The following SLC44A5 variants were observed in gnomAD, a reference collection of about 807,000 sequenced individuals.
SLC44A5 encodes the protein choline transporter-like protein 5.
In SLC44A5, 57 loss-of-function variants were observed where a neutral mutation model predicts 101.8. That is an observed-to-expected ratio of 0.56 (90% CI 0.45 to 0.70). SLC44A5 has a LOEUF of 0.70. Ranked by LOEUF, SLC44A5 falls within the 30% of genes least tolerant of loss-of-function variation. The probability of loss-of-function intolerance (pLI) is 0.00; values close to 1 mark genes in which losing one functional copy is unlikely to be tolerated. For missense variants in SLC44A5, 737 were observed against 853.1 expected, an observed-to-expected ratio of 0.86 and a Z score of 1.70; for synonymous variants, 281 against 290.9, an observed-to-expected ratio of 0.97 and a Z score of 0.35.
At chr1:75,251,628 G>A (rs369470688) in intron 6 of SLC44A5, among the ~76,000 whole-genome samples, 2 of 151,922 alleles carry the variant, frequency 1.3e-5, no homozygotes, top group African/African-American at 4.8e-5. Flanking sequence ...TTAGGAAGCA[G>A]GTTACTAAAG....
intron 2 of SLC44A5, 73 bp from the exon 3 acceptor site, chr1:75,396,694 C>A (rs1662147238): frequency 3.5e-6 from 4 of 1,156,606 alleles, no homozygotes; most frequent in African/African-American, 3.0e-5. Context: ...ACACATCTCT[C>A]CTTATCCTAA....
intron 3 of SLC44A5, among the ~76,000 whole-genome samples, chr1:75,366,970 C>A (rs1659904100): frequency 6.6e-6 from 1 of 151,944 alleles, no homozygotes; most frequent in Non-Finnish European, 1.5e-5. Flanking sequence ...ATCTTACATC[C>A]CATTGAGCCA....
At chr1:75,542,780 C>A (rs1053553872) in intron 1 of SLC44A5, among the ~76,000 whole-genome samples, 1 of 151,960 alleles carries the variant, frequency 6.6e-6, no homozygotes, top group Admixed American at 6.6e-5. Context: ...TTTGTATTCA[C>A]CTTTTGATTA....
chr1:75,520,304 G>A (rs185905673), intron 2 of SLC44A5, among the ~76,000 whole-genome samples: 1 of 152,102 alleles, frequency 6.6e-6, no homozygotes, highest in Non-Finnish European at 1.5e-5. Flanking sequence ...GACCAGCCTG[G>A]GCAACATAGT....
the SLC44A5 span, among the ~76,000 whole-genome samples, chr1:75,683,615 G>C: frequency 2.6e-5 from 4 of 152,228 alleles, no homozygotes; most frequent in East Asian, 5.8e-4. Flanking sequence ...GTGAGGTGGC[G>C]GAAGGGGGGA....
chr1:75,544,325 A>G (rs951899594), intron 1 of SLC44A5, among the ~76,000 whole-genome samples: 15 of 152,316 alleles, frequency 9.8e-5, no homozygotes, highest in African/African-American at 2.9e-4. Flanking sequence ...CAGCCTTTAG[A>G]ACTATAAGCC....
chr1:75,608,546 G>A (rs969675133), intron 1 of SLC44A5, among the ~76,000 whole-genome samples: 32 of 151,876 alleles, frequency 2.1e-4, no homozygotes, highest in African/African-American at 7.5e-4. Context: ...TTCAAAATCT[G>A]AACTGGTGCC....
the SLC44A5 span, among the ~76,000 whole-genome samples, chr1:75,654,482 G>T: frequency 6.6e-6 from 1 of 152,148 alleles, no homozygotes; most frequent in Non-Finnish European, 1.5e-5. Context: ...ACAATCTGGA[G>T]GCTGGGTACA....
chr1:75,418,006 T>G lies in SLC44A5; in HGVS notation c.14-21385A>C, dbSNP rs188840877. The stretch of plus-strand genomic sequence containing the variant: ...CTAATAGTCACAAGCACAAAAACAC[T>G]CAGGAAATGACATTGCCTTTTGCTT... On this transcript the variant is annotated intron_variant, in intron 2 of 23. Coordinates refer to ENST00000370859, the MANE Select transcript of SLC44A5 (RefSeq NM_001130058.2). Among the ~76,000 whole-genome samples, 4 of 152,372 alleles carry G rather than the reference T, an allele frequency of 2.6e-5. No homozygotes were observed. In the East Asian group the frequency reaches 5.8e-4, roughly 22 times the overall value.
At chr1:75,281,644 C>CCCG (rs1553154378) in intron 5 of SLC44A5, among the ~76,000 whole-genome samples, 3 of 108,022 alleles carry the variant, frequency 2.8e-5, no homozygotes, top group Non-Finnish European at 4.3e-5. Flanking sequence ...AGGCCCCCCC[C>CCCG]CCCCCCCGCT....
chr1:75,390,410 CAAA>C (rs34118379), intron 3 of SLC44A5, among the ~76,000 whole-genome samples: 2 of 88,258 alleles, frequency 2.3e-5, no homozygotes. Context: ...AAATCCTTAA[CAAA>C]AAAAAAAAAA....
At chr1:75,420,548 C>T (rs1219342553) in intron 2 of SLC44A5, among the ~76,000 whole-genome samples, 2 of 152,004 alleles carry the variant, frequency 1.3e-5, no homozygotes, top group African/African-American at 4.8e-5. Context: ...TTTGAAAAAG[C>T]AAGAAACAAC....
At chr1:75,242,741 C>T in intron 8 of SLC44A5, 145 bp downstream of exon 8, 2 of 945,988 alleles carry the variant, frequency 2.1e-6, no homozygotes, top group Non-Finnish European at 3.1e-6. Flanking sequence ...ACACCCAGTA[C>T]ACATGCATTT....
intron 1 of SLC44A5, among the ~76,000 whole-genome samples, chr1:75,554,840 T>C (rs1672132456): frequency 1.3e-5 from 2 of 152,070 alleles, no homozygotes; most frequent in Admixed American, 1.3e-4. Flanking sequence ...ATACTGCCTT[T>C]AAATAGATTC....
At chr1:75,557,080 G>T (rs140234409) in intron 1 of SLC44A5, among the ~76,000 whole-genome samples, 80 of 152,230 alleles carry the variant, frequency 5.3e-4, no homozygotes, top group African/African-American at 1.9e-3. Context: ...AAGATGGCTA[G>T]GAAGAAGGTG....
chr1:75,606,349 T>TAA (rs762571386), intron 1 of SLC44A5, among the ~76,000 whole-genome samples: 6 of 151,986 alleles, frequency 3.9e-5, no homozygotes, highest in Non-Finnish European at 7.4e-5. Flanking sequence ...CTAGGCAACA[T>TAA]AAGACCATTC....
At chr1:75,411,900 G>A (rs2101513290) in intron 2 of SLC44A5, among the ~76,000 whole-genome samples, 1 of 152,216 alleles carries the variant, frequency 6.6e-6, no homozygotes, top group East Asian at 1.9e-4. Context: ...ACCACTGTTA[G>A]TTCAGTGTAG....
At chr1:75,599,249 G>T (rs915185778) in intron 1 of SLC44A5, among the ~76,000 whole-genome samples, 1 of 152,026 alleles carries the variant, frequency 6.6e-6, no homozygotes, top group Non-Finnish European at 1.5e-5. Flanking sequence ...AAAAAGATTG[G>T]GAGCAACGCT....
intron 1 of SLC44A5, among the ~76,000 whole-genome samples, chr1:75,543,015 T>A (rs1210313938): frequency 6.6e-6 from 1 of 152,140 alleles, no homozygotes; most frequent in Non-Finnish European, 1.5e-5. Flanking sequence ...TATATATTAT[T>A]CAAGTTTGAC....
Sources: allele counts gnomAD v4.1 joint callset (sites outside exome capture counted in the v4.1 genomes callset), GRCh38; gene constraint gnomAD v4.1.1; transcripts MANE v1.5; gene names NCBI Gene and HGNC (gene_info 2026-07-23, HGNC 2026-07-21).